The following MTUS2 variants were observed in gnomAD, a reference collection of about 807,000 sequenced individuals.
MTUS2 encodes microtubule associated scaffold protein 2.
In MTUS2, 40 loss-of-function variants were observed where a neutral mutation model predicts 114.1. That is an observed-to-expected ratio of 0.35 (90% confidence interval 0.27 to 0.46). The LOEUF is 0.46. MTUS2 is among the 20% of genes least tolerant of loss of function. The pLI is 1.00. For synonymous variants in MTUS2, 688 were observed against 672.0 expected, an observed-to-expected ratio of 1.02 and a Z score of -0.37; for missense variants, 1,679 against 1,705.4, an observed-to-expected ratio of 0.98 and a Z score of 0.27.
chr13:29,323,165 A>G (rs1900323659), intron 6 of MTUS2, among the ~76,000 whole-genome samples: 1 of 152,286 alleles, frequency 6.6e-6, no homozygotes, highest in South Asian at 2.1e-4. Context: ...AAGCTATTTC[A>G]GTGGCTAAAC....
chr13:28,953,780 T>C (rs1882925643), intron 2 of MTUS2, among the ~76,000 whole-genome samples: 1 of 152,230 alleles, frequency 6.6e-6, no homozygotes, highest in African/African-American at 2.4e-5. Context: ...CCTTTCCTTT[T>C]ATGTATTTTA....
chr13:28,891,858 CAAAAAAAA>C (rs1169875500), intron 2 of MTUS2, among the ~76,000 whole-genome samples: 1 of 52,184 alleles, frequency 1.9e-5, no homozygotes, highest in Non-Finnish European at 3.7e-5. Flanking sequence ...GACTCTGTCT[CAAAAAAAA>C]AAAAAAAAAA....
chr13:29,093,974 C>T (rs1410827827), intron 4 of MTUS2, among the ~76,000 whole-genome samples: 1 of 152,062 alleles, frequency 6.6e-6, no homozygotes, highest in Non-Finnish European at 1.5e-5. Context: ...TTAAGAAGAT[C>T]ATATGGTTTT....
intron 6 of MTUS2, chr13:29,307,441 C>T: frequency 2.3e-6 from 3 of 1,315,032 alleles, no homozygotes; most frequent in South Asian, 1.2e-5. Flanking sequence ...CAAGGTCATC[C>T]CTGAGCTGAA....
At chr13:28,922,183 C>G (rs1295216196) in intron 2 of MTUS2, among the ~76,000 whole-genome samples, 1 of 152,194 alleles carries the variant, frequency 6.6e-6, no homozygotes, top group Non-Finnish European at 1.5e-5. Flanking sequence ...GTGCTTGCTT[C>G]CCCTTCACGC....
intron 6 of MTUS2, among the ~76,000 whole-genome samples, chr13:29,317,164 A>G (rs1479878937): frequency 3.9e-5 from 6 of 152,004 alleles, no homozygotes; most frequent in African/African-American, 1.5e-4. Context: ...GAATACAGAA[A>G]CCTCCCTATT....
intron 8 of MTUS2, among the ~76,000 whole-genome samples, chr13:29,405,743 C>CTTTTT (rs35738274): frequency 7.0e-6 from 1 of 141,902 alleles, no homozygotes; most frequent in African/African-American, 2.6e-5. Context: ...TAATTAACTA[C>CTTTTT]TTTTTTTTTT....
intron 5 of MTUS2, among the ~76,000 whole-genome samples, chr13:29,218,645 G>A (rs1365044061): frequency 6.6e-6 from 1 of 152,208 alleles, no homozygotes; most frequent in Non-Finnish European, 1.5e-5. Context: ...TGGATATTGT[G>A]TTAGCAGACA....
At chr13:29,170,597 C>G (rs73447205) in intron 5 of MTUS2, among the ~76,000 whole-genome samples, 3,744 of 152,262 alleles carry the variant, frequency 0.025, 148 homozygotes, top group African/African-American at 0.085. Flanking sequence ...TAATTTAAGC[C>G]GGTTTCCAGC....
chr13:29,323,855 G>A (rs1900364434), intron 6 of MTUS2, among the ~76,000 whole-genome samples: 1 of 152,180 alleles, frequency 6.6e-6, no homozygotes, highest in African/African-American at 2.4e-5. Context: ...TGACCTAACA[G>A]TGTGCTGAAG....
chr13:29,388,903 T>C (rs946925735), intron 8 of MTUS2, among the ~76,000 whole-genome samples: 1 of 152,070 alleles, frequency 6.6e-6, no homozygotes, highest in Non-Finnish European at 1.5e-5. Context: ...GGCATATCTA[T>C]ATTTTATGTC....
intron 5 of MTUS2, among the ~76,000 whole-genome samples, chr13:29,160,769 C>CAAAA (rs71090227): frequency 8.4e-6 from 1 of 119,078 alleles, no homozygotes; most frequent in African/African-American, 2.9e-5. Context: ...GACTCCGTCT[C>CAAAA]AAAAAAAAAA....
At chr13:28,994,278 C>A (rs1040861893) in intron 2 of MTUS2, among the ~76,000 whole-genome samples, 1 of 152,166 alleles carries the variant, frequency 6.6e-6, no homozygotes, top group East Asian at 1.9e-4. Flanking sequence ...ATATGTGCCA[C>A]ATTTTCTTAA....
chr13:28,865,007 A>G (rs963430222), intron 2 of MTUS2, among the ~76,000 whole-genome samples: 2 of 152,190 alleles, frequency 1.3e-5, no homozygotes, highest in Non-Finnish European at 2.9e-5. Flanking sequence ...TTTGACTTAA[A>G]GTTTGAAATA....
At position 29,297,353 on chromosome 13, in the gene MTUS2, G is replaced by A. The variant is rs113173334; in HGVS notation, c.2806+15488G>A. 4.2e-3 allele frequency among the ~76,000 whole-genome samples: 642 copies of A among 152,196 alleles called. 3 individuals carry two copies. The highest frequency in any genetic ancestry group is 0.015 in the African/African-American group (615 of 41,530). On this transcript the variant is annotated intron_variant, in intron 6 of 15. Transcript: ENST00000612955. ...CTTATTTCCTTTTTAAAAAAGATAC[G>A]TTTGTTAAGAACTGTATGCATCATG...
chr13:28,861,862 C>T (rs1425066661), intron 2 of MTUS2, among the ~76,000 whole-genome samples: 1 of 152,176 alleles, frequency 6.6e-6, no homozygotes, highest in African/African-American at 2.4e-5. Flanking sequence ...CCTCCTGTGC[C>T]TGGTTTCCCT....
intron 1 of MTUS2, among the ~76,000 whole-genome samples, chr13:28,833,230 A>G (rs1874828150): frequency 6.6e-6 from 1 of 152,172 alleles, no homozygotes; most frequent in South Asian, 2.1e-4. Context: ...TAAGGCCAGT[A>G]GTACTTTGAT....
In MTUS2 at chr13:29,025,946, A is replaced by G; in HGVS notation, c.1248A>G (p.Pro416=). The G allele has an allele frequency of 6.2e-7, 1 of 1,613,958 alleles. No individual in the cohort carries two copies. Among genetic ancestry groups the G allele is most frequent in the Non-Finnish European group, 8.5e-7 (1 of 1,179,872 alleles). The change falls in exon 3 of 16, where the codon CCA becomes CCG. Residue 416 remains proline, a synonymous_variant. Coordinates refer to ENST00000612955, the MANE Select transcript of MTUS2 (RefSeq NM_001033602.4). The part of the protein sequence containing the change: ...ADNQPTGKIS[P]CAGEKLGERT... ...ATCAGCCCACTGGCAAAATTTCACC[A>G]TGTGCAGGTGAGAAGTTGGGTGAAA...
chr13:29,126,631 ATT>A (rs67257359), intron 5 of MTUS2, among the ~76,000 whole-genome samples: 2 of 149,332 alleles, frequency 1.3e-5, no homozygotes, highest in Non-Finnish European at 3.0e-5. Flanking sequence ...TTTTTTTGTG[ATT>A]TTTTTTTTTA....
Sources: gnomAD v4.1 joint callset for allele counts (sites outside exome capture counted in the v4.1 genomes callset) on GRCh38, gnomAD v4.1.1 for gene constraint, MANE v1.5 for transcripts, NCBI Gene and HGNC (gene_info 2026-07-23, HGNC 2026-07-21) for gene names.